Variants in SYNDIG1 observed in about 807,000 individuals in gnomAD.
SYNDIG1 encodes synapse differentiation inducing 1.
Under a neutral mutation model 19.4 loss-of-function variants are expected in SYNDIG1, and 9 were observed. The ratio of observed to expected loss-of-function variants is 0.46; its 90% confidence interval spans 0.28 to 0.81. The LOEUF (loss-of-function observed/expected upper bound fraction) is 0.81. Ranked by LOEUF, SYNDIG1 falls within the 30% of genes least tolerant of loss-of-function variation. SYNDIG1 has a pLI of 0.12. For missense variants in SYNDIG1, 311 were observed against 343.3 expected, an observed-to-expected ratio of 0.91 and a Z score of 0.74; for synonymous variants, 141 against 145.9, an observed-to-expected ratio of 0.97 and a Z score of 0.24.
At chr20:24,625,426 C>T (rs1230026739) in intron 3 of SYNDIG1, among the ~76,000 whole-genome samples, 2 of 118,308 alleles carry the variant, frequency 1.7e-5, no homozygotes, top group Non-Finnish European at 1.7e-5. Flanking sequence ...GGGTGTTTCT[C>T]GCAGAGGGGG....
intron 2 of SYNDIG1, among the ~76,000 whole-genome samples, chr20:24,554,203 G>T (rs1038960905): frequency 7.9e-5 from 12 of 152,084 alleles, no homozygotes; most frequent in African/African-American, 2.7e-4. Flanking sequence ...AGGAGATTTT[G>T]GGCTGAGACA....
intron 3 of SYNDIG1, among the ~76,000 whole-genome samples, chr20:24,650,590 C>T (rs1249980035): frequency 6.6e-6 from 1 of 152,174 alleles, no homozygotes; most frequent in African/African-American, 2.4e-5. Flanking sequence ...AGAAAAACGT[C>T]CCTCTCTGTA....
chr20:24,624,255 C>CAAA (rs201904792), intron 3 of SYNDIG1, among the ~76,000 whole-genome samples: 77 of 94,686 alleles, frequency 8.1e-4, no homozygotes, highest in African/African-American at 3.2e-3. Context: ...GACTCCATCT[C>CAAA]AAAAAAAAAA....
intron 1 of SYNDIG1, among the ~76,000 whole-genome samples, chr20:24,511,823 T>C (rs1469106172): frequency 6.6e-6 from 1 of 152,074 alleles, no homozygotes; most frequent in Non-Finnish European, 1.5e-5. Flanking sequence ...AACCAGTTTC[T>C]GCTGAGAAAT....
At chr20:24,613,757 A>G (rs1350541326) in intron 3 of SYNDIG1, among the ~76,000 whole-genome samples, 1 of 152,220 alleles carries the variant, frequency 6.6e-6, no homozygotes, top group Non-Finnish European at 1.5e-5. Flanking sequence ...TTCAGGGAAC[A>G]TTCCCAGCTT....
At chr20:24,508,850 A>G (rs566711438) in intron 1 of SYNDIG1, among the ~76,000 whole-genome samples, 2 of 152,298 alleles carry the variant, frequency 1.3e-5, no homozygotes, top group Admixed American at 6.5e-5. Flanking sequence ...AAAGGGGAAT[A>G]AATAGAGGTG....
At chr20:24,639,037 G>T (rs988541713) in intron 3 of SYNDIG1, among the ~76,000 whole-genome samples, 1 of 152,018 alleles carries the variant, frequency 6.6e-6, no homozygotes, top group African/African-American at 2.4e-5. Context: ...TGACATGGGG[G>T]CCCAGGAAGC....
intron 1 of SYNDIG1, among the ~76,000 whole-genome samples, chr20:24,507,026 T>C (rs1328223700): frequency 6.6e-6 from 1 of 152,218 alleles, no homozygotes; most frequent in Non-Finnish European, 1.5e-5. Context: ...TTTGGGTGCA[T>C]GTAGCTTGCA....
intron 1 of SYNDIG1, among the ~76,000 whole-genome samples, chr20:24,540,595 G>A (rs2057449890): frequency 6.6e-6 from 1 of 152,102 alleles, no homozygotes; most frequent in African/African-American, 2.4e-5. Context: ...AAGCATCAAT[G>A]CTTTTCCAGA....
intron 3 of SYNDIG1, among the ~76,000 whole-genome samples, chr20:24,659,469 G>A (rs1210408588): frequency 6.6e-6 from 1 of 152,220 alleles, no homozygotes; most frequent in African/African-American, 2.4e-5. Context: ...TCAGCAAAGA[G>A]GCTAGCATCA....
intron 1 of SYNDIG1, among the ~76,000 whole-genome samples, chr20:24,525,552 G>A (rs1419446012): frequency 6.6e-6 from 1 of 152,020 alleles, no homozygotes; most frequent in East Asian, 1.9e-4. Flanking sequence ...CCAAAGTGCT[G>A]GGATTACAGG....
At chr20:24,580,413 T>C (rs1196782401) in intron 2 of SYNDIG1, among the ~76,000 whole-genome samples, 1 of 152,062 alleles carries the variant, frequency 6.6e-6, no homozygotes, top group African/African-American at 2.4e-5. Flanking sequence ...TTTGTTTGTT[T>C]GTTTGTTTGA....
intron 3 of SYNDIG1, among the ~76,000 whole-genome samples, chr20:24,605,153 C>G (rs544317575): frequency 6.6e-6 from 1 of 152,046 alleles, no homozygotes; most frequent in Non-Finnish European, 1.5e-5. Context: ...GATGGAGCCA[C>G]GCAGAAAGAA....
intron 2 of SYNDIG1, among the ~76,000 whole-genome samples, chr20:24,551,183 T>A (rs2057699954): frequency 6.6e-6 from 1 of 152,256 alleles, no homozygotes; most frequent in Non-Finnish European, 1.5e-5. Flanking sequence ...TCTATTACTT[T>A]ACTAGTTTAA....
At chr20:24,498,671 A>C (rs894910984) in intron 1 of SYNDIG1, among the ~76,000 whole-genome samples, 3 of 152,162 alleles carry the variant, frequency 2.0e-5, no homozygotes, top group African/African-American at 7.2e-5. Flanking sequence ...TCATGTATGT[A>C]GATGTGTTCT....
intron 2 of SYNDIG1, among the ~76,000 whole-genome samples, chr20:24,544,396 G>A (rs1047011816): frequency 6.6e-6 from 1 of 152,284 alleles, no homozygotes; most frequent in East Asian, 1.9e-4. Context: ...CAGGCTTTCC[G>A]TCAGTTTGGT....
At chr20:24,610,041 C>T (rs1333087860) in intron 3 of SYNDIG1, among the ~76,000 whole-genome samples, 1 of 152,138 alleles carries the variant, frequency 6.6e-6, no homozygotes, top group East Asian at 1.9e-4. Flanking sequence ...AGCTTCCAGG[C>T]CATCCTGGAA....
At position 24,471,554 on chromosome 20, in the gene SYNDIG1, C is replaced by G. The variant is rs559048631; in HGVS notation, c.-79+1801C>G. On this transcript the variant is annotated intron_variant, in intron 1 of 3. Coordinates refer to ENST00000376862, the MANE Select transcript of SYNDIG1 (RefSeq NM_024893.3). ...GATCGGCGCCCTCTCTCACCCTGTC[C>G]CCATTTCCTGCCTGAAAACGGAATC... Among the ~76,000 whole-genome samples the G allele has an allele frequency of 2.1e-4, 31 of 150,924 alleles. No individual in the cohort carries two copies. In the South Asian group the frequency reaches 3.6e-3, roughly 17 times the overall value.
At chr20:24,534,353 T>G (rs2057320321) in intron 1 of SYNDIG1, among the ~76,000 whole-genome samples, 1 of 152,192 alleles carries the variant, frequency 6.6e-6, no homozygotes, top group Admixed American at 6.5e-5. Context: ...CAGGAGCCTG[T>G]AGATCCCACC....
Sources: allele counts gnomAD v4.1 joint callset (sites outside exome capture counted in the v4.1 genomes callset), GRCh38; gene constraint gnomAD v4.1.1; transcripts MANE v1.5; gene names NCBI Gene and HGNC (gene_info 2026-07-23, HGNC 2026-07-21).